The following ACVR1 variants were observed in gnomAD, a reference collection of about 807,000 sequenced individuals.
ACVR1 encodes the protein activin A receptor type 1, also known as activin receptor type-1.
ACVR1 carries 38 observed loss-of-function variants against 57.1 expected under a neutral mutation model. That is an observed-to-expected ratio of 0.67 (90% CI 0.51 to 0.87). The LOEUF (loss-of-function observed/expected upper bound fraction) is 0.87. Among genes scored for constraint, ACVR1 ranks in the 40% least tolerant of loss-of-function variants. The pLI, the probability that ACVR1 is intolerant of heterozygous loss-of-function variation, is 0.00. For missense variants in ACVR1, 463 were observed against 638.2 expected, an observed-to-expected ratio of 0.73 and a Z score of 2.96; for synonymous variants, 212 against 228.1, an observed-to-expected ratio of 0.93 and a Z score of 0.63.
chr2:157,750,553 G>T (rs541253789), intron 9 of ACVR1, among the ~76,000 whole-genome samples: 3 of 151,990 alleles, frequency 2.0e-5, no homozygotes, highest in African/African-American at 7.2e-5. Context: ...AACACACCCA[G>T]AATCAAAACC....
chr2:157,772,645 A>T (rs73966125), intron 6 of ACVR1, among the ~76,000 whole-genome samples: 55 of 152,146 alleles, frequency 3.6e-4, no homozygotes, highest in African/African-American at 1.1e-3. Context: ...AGTAGTGGAG[A>T]GGGGAGATGA....
intron 1 of ACVR1, among the ~76,000 whole-genome samples, chr2:157,831,914 G>A (rs1209704931): frequency 6.6e-6 from 1 of 152,136 alleles, no homozygotes; most frequent in Non-Finnish European, 1.5e-5. Flanking sequence ...CATTATAAAA[G>A]GGTGAATGTT....
chr2:157,742,903 T>A (rs1306341879), intron 9 of ACVR1, among the ~76,000 whole-genome samples: 1 of 151,984 alleles, frequency 6.6e-6, no homozygotes, highest in Non-Finnish European at 1.5e-5. Context: ...CTCCACCCTA[T>A]CCCACTGCCC....
chr2:157,778,352 G>A lies in ACVR1; in HGVS notation c.332-10C>T. 1.9e-6 allele frequency: 3 copies of A among 1,608,790 alleles called. No homozygotes were observed. The highest frequency in any genetic ancestry group is 1.7e-6 in the Non-Finnish European group (2 of 1,175,952). On this transcript the variant is annotated splice_polypyrimidine_tract_variant and intron_variant, in intron 4 of 10. Coordinates refer to ENST00000434821, the MANE Select transcript of ACVR1 (RefSeq NM_001111067.4). ...CCAGGGAAGGATTTTCCTGGAGTTG[G>A]AGGGAAAAGGGGGAATTAGTTGTAA... is the stretch of plus-strand genomic sequence containing the variant.
intron 1 of ACVR1, among the ~76,000 whole-genome samples, chr2:157,823,720 A>T (rs774043483): frequency 6.6e-6 from 1 of 152,144 alleles, no homozygotes; most frequent in Non-Finnish European, 1.5e-5. Context: ...TACACGTTTG[A>T]AGATAATCTG....
In ACVR1 at chr2:157,737,482, T is replaced by G; in HGVS notation, c.*49A>C. On this transcript the variant is annotated 3_prime_UTR_variant, in exon 11 of 11. Coordinates refer to ENST00000434821, the MANE Select transcript of ACVR1 (RefSeq NM_001111067.4). ...AGTCAGGCCAGCATTAGGTCCCAGC[T>G]GGACAATGACAACAACGTCAAATCT... The G allele has an allele frequency of 6.2e-7, 1 of 1,609,316 alleles. No individual in the cohort carries two copies. The highest frequency in any genetic ancestry group is 8.5e-7 in the Non-Finnish European group (1 of 1,177,292).
intron 2 of ACVR1, among the ~76,000 whole-genome samples, chr2:157,813,848 T>C (rs1302914605): frequency 6.6e-6 from 1 of 152,204 alleles, no homozygotes; most frequent in Non-Finnish European, 1.5e-5. Flanking sequence ...AAAAATTCAT[T>C]TGAATTCATA....
At chr2:157,823,184 G>C (rs931815153) in intron 1 of ACVR1, among the ~76,000 whole-genome samples, 1 of 152,128 alleles carries the variant, frequency 6.6e-6, no homozygotes, top group African/African-American at 2.4e-5. Flanking sequence ...CTTCAACTCT[G>C]CAAGTCAGCT....
At chr2:157,772,476 C>T (rs1040761428) in intron 6 of ACVR1, among the ~76,000 whole-genome samples, 1 of 152,144 alleles carries the variant, frequency 6.6e-6, no homozygotes, top group Non-Finnish European at 1.5e-5. Context: ...TAGTCCTAAC[C>T]CAAGAAAATG....
At chr2:157,857,194 A>T (rs1240734267) in intron 1 of ACVR1, among the ~76,000 whole-genome samples, 1 of 152,030 alleles carries the variant, frequency 6.6e-6, no homozygotes, top group African/African-American at 2.4e-5. Context: ...TAAGACCCTG[A>T]CTCAAAGAAA....
chr2:157,764,869 T>A (rs908338681), intron 8 of ACVR1, among the ~76,000 whole-genome samples: 42 of 152,142 alleles, frequency 2.8e-4, no homozygotes, highest in African/African-American at 9.7e-4. Context: ...AACATTGTAA[T>A]TTCTCAATGT....
chr2:157,851,428 A>G (rs1445880135), intron 1 of ACVR1, among the ~76,000 whole-genome samples: 3 of 152,094 alleles, frequency 2.0e-5, no homozygotes, highest in African/African-American at 7.2e-5. Flanking sequence ...TCTAGAAACC[A>G]ATTTTTAAAG....
At chr2:157,765,733 A>G (rs1291418005) in intron 8 of ACVR1, among the ~76,000 whole-genome samples, 188 bp downstream of exon 8, 1 of 152,200 alleles carries the variant, frequency 6.6e-6, no homozygotes, top group Non-Finnish European at 1.5e-5. Context: ...ATACATAATA[A>G]TGCTTAAGGA....
intron 1 of ACVR1, among the ~76,000 whole-genome samples, chr2:157,832,481 G>T (rs1024785388): frequency 6.6e-6 from 1 of 152,118 alleles, no homozygotes; most frequent in African/African-American, 2.4e-5. Flanking sequence ...GTGATATGGG[G>T]TGGGAAGATG....
At chr2:157,846,616 C>T (rs188598783) in intron 1 of ACVR1, among the ~76,000 whole-genome samples, 2 of 152,312 alleles carry the variant, frequency 1.3e-5, no homozygotes, top group East Asian at 1.9e-4. Flanking sequence ...TACTAATTTA[C>T]TCACACCACC....
At chr2:157,765,227 T>C (rs998975827) in intron 8 of ACVR1, among the ~76,000 whole-genome samples, 1 of 152,216 alleles carries the variant, frequency 6.6e-6, no homozygotes, top group Non-Finnish European at 1.5e-5. Context: ...AAGAATGAGC[T>C]ATCCTAACAG....
chr2:157,851,330 C>A (rs1007678464), intron 1 of ACVR1, among the ~76,000 whole-genome samples: 5 of 151,952 alleles, frequency 3.3e-5, no homozygotes, highest in Non-Finnish European at 5.9e-5. Flanking sequence ...AAGTGGCCAC[C>A]TGAAATATAG....
At chr2:157,812,376 C>G (rs886468913) in intron 2 of ACVR1, among the ~76,000 whole-genome samples, 1 of 151,872 alleles carries the variant, frequency 6.6e-6, no homozygotes, top group South Asian at 2.1e-4. Context: ...AGAGATAATA[C>G]GAGACCAATC....
chr2:157,863,476 C>T (rs976607842), intron 1 of ACVR1, among the ~76,000 whole-genome samples: 1 of 148,372 alleles, frequency 6.7e-6, no homozygotes. Flanking sequence ...GCCAGCGGAT[C>T]ACCTGTGGTC....
Sources: gnomAD v4.1 joint callset for allele counts (sites outside exome capture counted in the v4.1 genomes callset) on GRCh38, gnomAD v4.1.1 for gene constraint, MANE v1.5 for transcripts, NCBI Gene and HGNC (gene_info 2026-07-23, HGNC 2026-07-21) for gene names.